PPARG: variants seen among roughly 807,000 people sequenced by gnomAD.
PPARG encodes the protein peroxisome proliferator activated receptor gamma, also known as peroxisome proliferator-activated receptor gamma.
In PPARG, 17 loss-of-function variants were observed where a neutral mutation model predicts 39.2. The observed-to-expected ratio is 0.43, with a 90% CI of 0.30 to 0.65. The LOEUF (loss-of-function observed/expected upper bound fraction) is 0.65. Ranked by LOEUF, PPARG falls within the 30% of genes least tolerant of loss-of-function variation. The pLI, the probability that PPARG is intolerant of heterozygous loss-of-function variation, is 0.13. For missense variants in PPARG, 406 were observed against 585.9 expected (o/e 0.69, Z 3.17); for synonymous variants, 223 against 215.7 (o/e 1.03, Z -0.30).
chr3:12,385,487 G>A (rs2049838417), intron 4 of PPARG, among the ~76,000 whole-genome samples: 1 of 152,092 alleles, frequency 6.6e-6, no homozygotes, highest in South Asian at 2.1e-4. Context: ...GCAACTGAAA[G>A]ATATATATAA....
chr3:12,305,491 G>A (rs111684892), intron 1 of PPARG, among the ~76,000 whole-genome samples: 3,742 of 152,238 alleles, frequency 0.025, 78 homozygotes, highest in Non-Finnish European at 0.034. Context: ...ACTCCTAATT[G>A]TCTTTAACAA....
chr3:12,389,314 T>G (rs2049987269), intron 4 of PPARG, among the ~76,000 whole-genome samples: 1 of 152,210 alleles, frequency 6.6e-6, no homozygotes, highest in Non-Finnish European at 1.5e-5. Flanking sequence ...TAAGAAAGTC[T>G]AGTACTTATC....
rs1575142866 is a variant in PPARG at position 12,417,888 on chromosome 3, CTTTTTTTTTTTTCCTT to C, written c.1180+747_1180+762del. On this transcript the variant is annotated intron_variant, in intron 7 of 7. Coordinates refer to ENST00000651735, the MANE Select transcript of PPARG (RefSeq NM_138711.6). ...AGTGTGACTTTTTTCTTTTTTTTTTCTTTTTTTTTTTTCCTTTTTTTTTTTTTTTTTTTTTTTGTGA... is the reference window on the plus strand; with the variant it reads ...AGTGTGACTTTTTTCTTTTTTTTTTCTTTTTTTTTTTTTTTTTTTTTGTGA... Among the ~76,000 whole-genome samples, 499 of 63,948 alleles carry C rather than the reference CTTTTTTTTTTTTCCTT, an allele frequency of 7.8e-3. 4 individuals are homozygous for C. Among genetic ancestry groups the C allele is most frequent in the African/African-American group, 0.034 (457 of 13,468 alleles). 42.0% of individuals were successfully genotyped at this position (63,948 alleles called of 152,430 possible). A position where few individuals can be genotyped will look rare whatever the true frequency, so the allele number is the denominator to read the frequency against.
chr3:12,418,002 A>T (rs1575143091), intron 7 of PPARG, among the ~76,000 whole-genome samples: 1 of 141,956 alleles, frequency 7.0e-6, no homozygotes, highest in South Asian at 2.2e-4. Context: ...TTCTAACTGC[A>T]GTTAGTAAGC....
intron 2 of PPARG, among the ~76,000 whole-genome samples, chr3:12,358,120 G>A (rs910622209): frequency 2.0e-5 from 3 of 152,120 alleles, no homozygotes; most frequent in East Asian, 1.9e-4. Context: ...AATTTGCACC[G>A]TGTCCCTCCA....
intron 2 of PPARG, among the ~76,000 whole-genome samples, chr3:12,374,769 G>C (rs986877770): frequency 6.6e-6 from 1 of 151,994 alleles, no homozygotes; most frequent in Non-Finnish European, 1.5e-5. Context: ...ATGCTTTGTA[G>C]AGAGGGGACA....
At chr3:12,407,933 C>G (rs1026907288) in intron 6 of PPARG, among the ~76,000 whole-genome samples, 4 of 152,152 alleles carry the variant, frequency 2.6e-5, no homozygotes, top group Non-Finnish European at 5.9e-5. Context: ...GCCACATGCA[C>G]CTGACTACTG....
intron 6 of PPARG, among the ~76,000 whole-genome samples, chr3:12,414,544 A>T (rs1026277083): frequency 2.6e-5 from 4 of 152,172 alleles, no homozygotes; most frequent in Non-Finnish European, 5.9e-5. Flanking sequence ...GGAGGACAAG[A>T]AACACGTTTT....
At chr3:12,429,967 A>G (rs2051599665) in intron 7 of PPARG, among the ~76,000 whole-genome samples, 1 of 152,146 alleles carries the variant, frequency 6.6e-6, no homozygotes, top group South Asian at 2.1e-4. Context: ...AATTATACTT[A>G]CTCTGGTCAA....
chr3:12,390,641 T>C (rs1332707630), intron 4 of PPARG, among the ~76,000 whole-genome samples: 1 of 136,828 alleles, frequency 7.3e-6, no homozygotes, highest in East Asian at 2.1e-4. Context: ...TTCTTCCTTT[T>C]TTTTTTTTTT....
At position 12,327,014 on chromosome 3, in the gene PPARG, A is replaced by AT. The variant is rs200959393; in HGVS notation, c.-9+14569dup. Among the ~76,000 whole-genome samples, 439 of 151,894 alleles carry AT rather than the reference A, an allele frequency of 2.9e-3. 1 individual carries two copies. Among genetic ancestry groups the AT allele is most frequent in the Non-Finnish European group, 4.7e-3 (319 of 67,890 alleles). On this transcript the variant is annotated intron_variant, in intron 2 of 7. Coordinates refer to ENST00000651735, the MANE Select transcript of PPARG (RefSeq NM_138711.6). ...TTTAAAGGTTTGTTCAATTTTAACT[A>AT]TTTTTTTTCAAAATCTGCATTATCA...
intron 1 of PPARG, among the ~76,000 whole-genome samples, chr3:12,309,058 T>G (rs2047155062): frequency 6.6e-6 from 1 of 152,252 alleles, no homozygotes; most frequent in African/African-American, 2.4e-5. Context: ...TGTACTTTAT[T>G]AATCTCCAAA....
intron 4 of PPARG, among the ~76,000 whole-genome samples, chr3:12,391,514 GTCAAGAGTGATT>G (rs1339358847): frequency 6.6e-6 from 1 of 152,172 alleles, no homozygotes; most frequent in Non-Finnish European, 1.5e-5. Context: ...AAAGAAAGAA[GTCAAGAGTGATT>G]TCAAGGATTT....
chr3:12,428,568 G>T (rs1173276704), intron 7 of PPARG, among the ~76,000 whole-genome samples: 1 of 152,248 alleles, frequency 6.6e-6, no homozygotes, highest in Non-Finnish European at 1.5e-5. Flanking sequence ...AGAGAGAAGA[G>T]AAAGGCCCTG....
intron 2 of PPARG, among the ~76,000 whole-genome samples, chr3:12,356,284 T>C (rs1001592586): frequency 3.3e-5 from 5 of 152,242 alleles, no homozygotes; most frequent in Admixed American, 6.5e-5. Flanking sequence ...CTGTAACTAA[T>C]TTAAAGACGA....
At chr3:12,433,776 A>G in intron 7 of PPARG, 122 bp from the exon 8 acceptor site, 2 of 1,411,850 alleles carry the variant, frequency 1.4e-6, no homozygotes, top group Admixed American at 3.4e-5. Flanking sequence ...TTTAAGATAC[A>G]AAGCAAAACA....
At chr3:12,417,541 T>C (rs1288840079) in intron 7 of PPARG, among the ~76,000 whole-genome samples, 1 of 152,202 alleles carries the variant, frequency 6.6e-6, no homozygotes, top group Non-Finnish European at 1.5e-5. Flanking sequence ...CAATGCTCAC[T>C]TGATGTAGAG....
intron 5 of PPARG, among the ~76,000 whole-genome samples, chr3:12,402,915 C>T (rs1170475237): frequency 2.6e-5 from 4 of 152,184 alleles, no homozygotes; most frequent in Non-Finnish European, 5.9e-5. Flanking sequence ...ATAGTATTTG[C>T]ATGTAACCTA....
intron 2 of PPARG, chr3:12,344,842 A>G (rs2048282361): frequency 6.6e-6 from 1 of 152,100 alleles, no homozygotes; most frequent in African/African-American, 2.4e-5. Context: ...AATTCTCACA[A>G]CTCCGAAAAG....
Sources: gnomAD v4.1 joint callset for allele counts (sites outside exome capture counted in the v4.1 genomes callset) on GRCh38, gnomAD v4.1.1 for gene constraint, MANE v1.5 for transcripts, NCBI Gene and HGNC (gene_info 2026-07-23, HGNC 2026-07-21) for gene names.